Variants in COL9A2 observed in about 807,000 individuals in gnomAD.
COL9A2 encodes collagen type IX alpha 2 chain.
Under a neutral mutation model 111.6 loss-of-function variants are expected in COL9A2, and 66 were observed. The ratio of observed to expected loss-of-function variants is 0.59; its 90% CI spans 0.48 to 0.73. The LOEUF is 0.73. COL9A2 is among the 30% of genes least tolerant of loss of function. COL9A2 has a pLI of 0.00. For missense variants in COL9A2, 881 were observed against 954.1 expected, an observed-to-expected ratio of 0.92 and a Z score of 1.01; for synonymous variants, 353 against 364.1, an observed-to-expected ratio of 0.97 and a Z score of 0.35.
At chr1:40,305,668 C>T (rs747457917) in intron 21 of COL9A2, 47 bp downstream of exon 21, 9 of 1,567,104 alleles carry the variant, frequency 5.7e-6, no homozygotes, top group Non-Finnish European at 1.8e-6. Context: ...CACCCCATGG[C>T]CTCACCCTAA....
rs1433693282 is a variant in COL9A2 at position 40,303,455 on chromosome 1, G to A, written c.1548+75C>T. 5 of 1,585,336 alleles carry A rather than the reference G, an allele frequency of 3.2e-6. No individual in the cohort carries two copies. The highest frequency in any genetic ancestry group is 4.3e-6 in the Non-Finnish European group (5 of 1,162,142). ...GTCGGTGAGTCTCTGGGAATCCCTA[G>A]CCTTTGGCGGGTAAGCCGCACCCCA... On this transcript the variant is annotated intron_variant, in intron 28 of 31. Coordinates refer to ENST00000372748, the MANE Select transcript of COL9A2 (RefSeq NM_001852.4). This position sits in a 1 kb window ranked among gnomAD's most constrained non-coding sequence, Gnocchi z 4.6.
Position 40,311,494 on chromosome 1 carries a change from T to A in COL9A2, c.519+6A>T. The A allele has an allele frequency of 6.3e-7, 1 of 1,584,412 alleles. No homozygotes were observed. Among genetic ancestry groups the A allele is most frequent in the Non-Finnish European group, 8.6e-7 (1 of 1,163,024 alleles). ...TGTTAGCCCCGCCCCAGACCTCGTC[T>A]CTCACCAGGAAATCCGCACTGCCTT... On this transcript the variant is annotated splice_donor_region_variant and intron_variant, in intron 10 of 31. Transcript: ENST00000372748. The surrounding 1 kb of genome is among the most constrained non-coding windows in gnomAD (Gnocchi z 5.1).
chr1:40,316,640 C>G lies in COL9A2; in HGVS notation c.75+483G>C. ...CACCCAGCACCCGACCGGGCCCAGT[C>G]TCTGCCCTACCCGCGCGCCCGCAGC... On this transcript the variant is annotated intron_variant, in intron 1 of 31. Coordinates refer to ENST00000372748, the MANE Select transcript of COL9A2 (RefSeq NM_001852.4). The surrounding 1 kb of genome is among the most constrained non-coding windows in gnomAD (Gnocchi z 5.5). The G allele has an allele frequency of 2.2e-6, 1 of 446,354 alleles. No homozygotes were observed. Among genetic ancestry groups the G allele is most frequent in the South Asian group, 1.6e-5 (1 of 64,048 alleles). 27.6% of individuals were successfully genotyped at this position (446,354 alleles called of 1,614,324 possible).
intron 21 of COL9A2, among the ~76,000 whole-genome samples, chr1:40,305,470 C>T (rs1426252722): frequency 1.3e-5 from 2 of 152,234 alleles, no homozygotes; most frequent in Admixed American, 6.5e-5. Flanking sequence ...GAACGAACAA[C>T]TCTGCCTGTT....
In COL9A2 at chr1:40,314,914, T is replaced by A. The variant is rs999623967; in HGVS notation, c.151-527A>T. Among the ~76,000 whole-genome samples, 1 of 151,992 alleles carries A rather than the reference T, an allele frequency of 6.6e-6. No individual in the cohort carries two copies. The highest frequency in any genetic ancestry group is 1.5e-5 in the Non-Finnish European group (1 of 67,972). ...ACCTCCTTCCAGTGCCAAAGGACCC[T>A]TGGTGGTGGGCAGGCAGGGCCGGTA... On this transcript the variant is annotated intron_variant, in intron 2 of 31. Transcript: ENST00000372748. This position sits in a 1 kb window ranked among gnomAD's most constrained non-coding sequence, Gnocchi z 4.1.
In COL9A2 at chr1:40,310,284, C is replaced by A; in HGVS notation, c.718G>T (p.Ala240Ser). 1.9e-6 allele frequency: 3 copies of A among 1,614,060 alleles called. No individual in the cohort carries two copies. The highest frequency in any genetic ancestry group is 2.5e-6 in the Non-Finnish European group (3 of 1,179,980). The change falls in exon 14 of 32, where the codon GCA becomes TCA. Residue 240 changes from alanine (A) to serine (S), a missense_variant. Transcript: ENST00000372748. This position sits in a 1 kb window ranked among gnomAD's most constrained non-coding sequence, Gnocchi z 4.9. The stretch of plus-strand genomic sequence containing the variant: ...CTTACCGTCTCTCCCTTGGGCCCTG[C>A]CATGCCTGGGTAGCCCCTGATGCCC... ...PQGIRGYPGMAGPKGETGPHG... is the reference protein window; with the variant it reads ...PQGIRGYPGMSGPKGETGPHG...
intron 25 of COL9A2, 36 bp downstream of exon 25, chr1:40,304,028 T>C: frequency 6.4e-7 from 1 of 1,573,444 alleles, no homozygotes; most frequent in South Asian, 1.2e-5. Flanking sequence ...CAGAGCAGGG[T>C]TGGGGGTCGC....
chr1:40,317,136 G>A lies in COL9A2; in HGVS notation c.62C>T (p.Ala21Val). Residue 21 changes from alanine to valine, a missense_variant, in exon 1 of 32, where the codon GCT becomes GTT. Transcript: ENST00000372748. The surrounding 1 kb of genome is among the most constrained non-coding windows in gnomAD (Gnocchi z 4.3). ...LLVLLQVVVL[A>V]LAQIRGPPGE... is the part of the protein sequence containing the mutation. Reference sequence around the variant, plus strand: ...TGCGAAACTTACAATCTGCGCCAGAGCGAGCACTACCACCTGGAGGAGAAC... The same window carrying A: ...TGCGAAACTTACAATCTGCGCCAGAACGAGCACTACCACCTGGAGGAGAAC... 6.3e-7 allele frequency: 1 copy of A among 1,582,524 alleles called. No homozygotes were observed. The highest frequency in any genetic ancestry group is 8.6e-7 in the Non-Finnish European group (1 of 1,164,738).
chr1:40,314,218 T>C lies in COL9A2; in HGVS notation c.236A>G (p.Lys79Arg). ...GKAGPDGPDGKPGIDGLTGAK... is the reference protein window; with the variant it reads ...GKAGPDGPDGRPGIDGLTGAK... Reference sequence around the variant, plus strand: ...TCAGCTACTCACATCAATCCCGGGCTTCCCGTCTGGCCCATCTGGCCCAGC... The same window carrying C: ...TCAGCTACTCACATCAATCCCGGGCCTCCCGTCTGGCCCATCTGGCCCAGC... Residue 79 changes from lysine to arginine, a missense_variant, in exon 4 of 32, where the codon AAG becomes AGG. By Grantham distance (26) the Lys-to-Arg change is conservative (BLOSUM62 2). Coordinates refer to ENST00000372748, the MANE Select transcript of COL9A2 (RefSeq NM_001852.4). This position sits in a 1 kb window ranked among gnomAD's most constrained non-coding sequence, Gnocchi z 4.1. The C allele has an allele frequency of 6.2e-7, 1 of 1,614,010 alleles. No homozygotes were observed. The highest frequency in any genetic ancestry group is 8.5e-7 in the Non-Finnish European group (1 of 1,179,928).
At chr1:40,304,029 T>C in intron 25 of COL9A2, 35 bp downstream of exon 25, 4 of 1,574,278 alleles carry the variant, frequency 2.5e-6, no homozygotes, top group Non-Finnish European at 3.4e-6. Flanking sequence ...AGAGCAGGGT[T>C]GGGGGTCGCT....
rs762936829 is a variant in COL9A2, at chr1:40,312,160, C to T, written c.364-48G>A. On this transcript the variant is annotated intron_variant, in intron 7 of 31. Transcript: ENST00000372748. The surrounding 1 kb of genome is among the most constrained non-coding windows in gnomAD (Gnocchi z 6.0). Reference sequence around the variant, plus strand: ...TCAGGATGCCTCAGAGGGTCAGATACCCTGGGCACAAAGGTAGAGACAGGC... The same window carrying T: ...TCAGGATGCCTCAGAGGGTCAGATATCCTGGGCACAAAGGTAGAGACAGGC... 6.5e-6 allele frequency: 10 copies of T among 1,527,688 alleles called. No individual in the cohort carries two copies. Among genetic ancestry groups the T allele is most frequent in the Non-Finnish European group, 7.2e-6 (8 of 1,116,002 alleles). 94.6% of individuals were successfully genotyped at this position (1,527,688 alleles called of 1,614,324 possible). A position where few individuals can be genotyped will look rare whatever the true frequency, so the allele number is the denominator to read the frequency against.
Position 40,311,770 on chromosome 1 carries a change from C to G in COL9A2, c.418-55G>C. 1 of 1,565,496 alleles carries G rather than the reference C, an allele frequency of 6.4e-7. No homozygotes were observed. Among genetic ancestry groups the G allele is most frequent in the South Asian group, 1.1e-5 (1 of 90,010 alleles). ...CCTGACCAGCCCTTACCAGCTTACC[C>G]TAGTGCCCTCCTCCAGGTCCTGCCT... On this transcript the variant is annotated intron_variant, in intron 8 of 31. Coordinates refer to ENST00000372748, the MANE Select transcript of COL9A2 (RefSeq NM_001852.4). The surrounding 1 kb of genome is among the most constrained non-coding windows in gnomAD (Gnocchi z 5.1).
Position 40,314,335 on chromosome 1 carries a change from G to A in COL9A2, c.186+17C>T. 1.9e-6 allele frequency: 3 copies of A among 1,614,228 alleles called. No individual in the cohort carries two copies. Among genetic ancestry groups the A allele is most frequent in the Middle Eastern group, 1.7e-4 (1 of 6,060 alleles). On this transcript the variant is annotated intron_variant, in intron 3 of 31. Coordinates refer to ENST00000372748, the MANE Select transcript of COL9A2 (RefSeq NM_001852.4). The surrounding 1 kb of genome is among the most constrained non-coding windows in gnomAD (Gnocchi z 4.1). ...AGAGCAGGAAGGGTCAAAGGCCAAA[G>A]AGGATAAAGCACTCACCGGAGGGCC...
chr1:40,306,232 G>T, intron 19 of COL9A2, 45 bp from the exon 20 acceptor site: 1 of 1,605,706 alleles, frequency 6.2e-7, no homozygotes, highest in Non-Finnish European at 8.5e-7. Flanking sequence ...GCATGAGGGA[G>T]CCCCATGCAC....
rs146731672 is a variant in COL9A2 at position 40,304,040 on chromosome 1, G to A, written c.1323+24C>T. The A allele has an allele frequency of 0.018, 28,293 of 1,577,472 alleles. 300 individuals carry two copies. Among genetic ancestry groups the A allele is most frequent in the Non-Finnish European group, 0.021 (24,447 of 1,162,218 alleles). On this transcript the variant is annotated intron_variant, in intron 25 of 31. Coordinates refer to ENST00000372748, the MANE Select transcript of COL9A2 (RefSeq NM_001852.4). ...ACGCAGAGCAGGGTTGGGGGTCGCTGGGAACAGGGGTGCTGGAACTCACCA... is the reference window on the plus strand; with the variant it reads ...ACGCAGAGCAGGGTTGGGGGTCGCTAGGAACAGGGGTGCTGGAACTCACCA...
Position 40,303,364 on chromosome 1 carries a change from G to A in COL9A2, c.1548+166C>T, listed in dbSNP as rs1569704378. 6.6e-6 allele frequency among the ~76,000 whole-genome samples: 1 copy of A among 152,118 alleles called. No individual in the cohort carries two copies. The highest frequency in any genetic ancestry group is 6.5e-5 in the Admixed American group (1 of 15,282). On this transcript the variant is annotated intron_variant, in intron 28 of 31. Coordinates refer to ENST00000372748, the MANE Select transcript of COL9A2 (RefSeq NM_001852.4). This position sits in a 1 kb window ranked among gnomAD's most constrained non-coding sequence, Gnocchi z 4.6. ...AGGGCTTACTTGGGAAGGTCGCGGG[G>A]TAATCCCTCAGGCTGCACTCACAGC... is the stretch of plus-strand genomic sequence containing the variant.
At chr1:40,301,622 C>T (rs896696018) in intron 31 of COL9A2, among the ~76,000 whole-genome samples, 190 bp downstream of exon 31, 4 of 152,218 alleles carry the variant, frequency 2.6e-5, no homozygotes, top group African/African-American at 9.6e-5. Context: ...CCTGGGAAGT[C>T]CTGAGAGGCC....
intron 1 of COL9A2, 38 bp from the exon 2 acceptor site, chr1:40,315,702 G>C (rs1644208669): frequency 1.4e-6 from 2 of 1,478,420 alleles, no homozygotes; most frequent in Non-Finnish European, 1.8e-6. Flanking sequence ...TCCTCAGACA[G>C]TGCAGGAAGC....
At position 40,311,357 on chromosome 1, in the gene COL9A2, G is replaced by A; in HGVS notation, c.520-71C>T. 6.3e-7 allele frequency: 1 copy of A among 1,580,174 alleles called. No homozygotes were observed. The highest frequency in any genetic ancestry group is 1.1e-5 in the South Asian group (1 of 88,794). ...GCGCCCCCATCTCTCCAAGCCCCGTGCTCTCCTCCGCCTCACCTGGTGGAA... is the reference window on the plus strand; with the variant it reads ...GCGCCCCCATCTCTCCAAGCCCCGTACTCTCCTCCGCCTCACCTGGTGGAA... On this transcript the variant is annotated intron_variant, in intron 10 of 31. Coordinates refer to ENST00000372748, the MANE Select transcript of COL9A2 (RefSeq NM_001852.4). The surrounding 1 kb of genome is among the most constrained non-coding windows in gnomAD (Gnocchi z 5.1).
Sources: allele counts gnomAD v4.1 joint callset (sites outside exome capture counted in the v4.1 genomes callset), GRCh38; gene constraint gnomAD v4.1.1; non-coding constraint Gnocchi (gnomAD v3.1); transcripts MANE v1.5; gene names NCBI Gene and HGNC (gene_info 2026-07-23, HGNC 2026-07-21).